The following JADE3 variants were observed in gnomAD, a reference collection of about 807,000 sequenced individuals.
JADE3 encodes the protein protein Jade-3.
In JADE3, 2 loss-of-function variants were observed where a neutral mutation model predicts 50.1. The observed-to-expected ratio is 0.04, with a 90% CI of 0.02 to 0.13. JADE3 has a LOEUF of 0.13. Ranked by LOEUF, JADE3 falls within the 10% of genes least tolerant of loss-of-function variation. JADE3 has a pLI of 1.00. For missense variants in JADE3, 475 were observed against 634.4 expected, an observed-to-expected ratio of 0.75 and a Z score of 2.70; for synonymous variants, 218 against 232.9, an observed-to-expected ratio of 0.94 and a Z score of 0.58.
chrX:47,004,459 C>T (rs1928365762), intron 4 of JADE3, among the ~76,000 whole-genome samples: 1 of 111,785 alleles, frequency 8.9e-6, no homozygotes, highest in South Asian at 3.7e-4. Flanking sequence ...TGTTTGAGGC[C>T]TTGCTCTGTC....
At chrX:46,995,388 A>G (rs1266497503) in intron 3 of JADE3, among the ~76,000 whole-genome samples, 1 of 111,569 alleles carries the variant, frequency 9.0e-6, no homozygotes, top group Non-Finnish European at 1.9e-5. Context: ...GTAAAACAAA[A>G]TATATTGAGA....
intron 1 of JADE3, among the ~76,000 whole-genome samples, chrX:46,921,487 AT>A (rs782314499): frequency 2.7e-5 from 3 of 110,597 alleles, no homozygotes; most frequent in African/African-American, 6.6e-5. Flanking sequence ...ATGTTGTAGG[AT>A]TTTTTTTTAA....
At chrX:47,029,754 GGCATTTATAT>G (rs1241074691) in intron 6 of JADE3, among the ~76,000 whole-genome samples, 3 of 111,396 alleles carry the variant, frequency 2.7e-5, no homozygotes, top group African/African-American at 9.8e-5. Context: ...ACCAATTATT[GGCATTTATAT>G]CAGACTTTAA....
chrX:47,000,829 G>A (rs1161848168), intron 4 of JADE3, among the ~76,000 whole-genome samples: 5 of 112,010 alleles, frequency 4.5e-5, no homozygotes, highest in Admixed American at 2.8e-4. Context: ...AGAATTAAAT[G>A]TGTGAGCCCC....
rs1390279431 is a variant in JADE3, at chrX:47,060,239, G to A, written c.*1162G>A. Reference sequence around the variant, plus strand: ...TAGGAAGAGAATAATTACATTTGCGGGGGGGGGGGTGGATAAAAACATGTC... The same window carrying A: ...TAGGAAGAGAATAATTACATTTGCGAGGGGGGGGGTGGATAAAAACATGTC... On this transcript the variant is annotated 3_prime_UTR_variant, in exon 11 of 11. Transcript: ENST00000614628. 4 of 79,330 alleles carry A rather than the reference G, an allele frequency of 5.0e-5. No individual in the cohort carries two copies. The highest frequency in any genetic ancestry group is 5.5e-3 in the Middle Eastern group (1 of 181). The allele number at this position is 79,330 out of a possible 1,213,427, so 6.5% of individuals were successfully genotyped here.
chrX:46,954,045 T>G lies in JADE3; in HGVS notation c.-11-30839T>G, dbSNP rs191094717. Reference sequence around the variant, plus strand: ...ACTGCTTTGTGACATTTTAGGATGTTAAGTGCTTGCATTTGAAGGATGGAG... The same window carrying G: ...ACTGCTTTGTGACATTTTAGGATGTGAAGTGCTTGCATTTGAAGGATGGAG... On this transcript the variant is annotated intron_variant, in intron 1 of 10. Coordinates refer to ENST00000614628, the MANE Select transcript of JADE3 (RefSeq NM_014735.5). 5.4e-5 allele frequency among the ~76,000 whole-genome samples: 6 copies of G among 112,143 alleles called. No individual in the cohort carries two copies. In the East Asian group the frequency reaches 1.4e-3, roughly 26 times the overall value.
At chrX:46,950,127 T>C in intron 1 of JADE3, among the ~76,000 whole-genome samples, 1 of 112,537 alleles carries the variant, frequency 8.9e-6, no homozygotes, top group Admixed American at 9.4e-5. Context: ...GTAAAATTAT[T>C]AAAATGACAA....
intron 4 of JADE3, among the ~76,000 whole-genome samples, chrX:47,015,761 T>G (rs1928659760): frequency 1.1e-5 from 1 of 94,516 alleles, no homozygotes; most frequent in Admixed American, 1.2e-4. Context: ...TCTCTGTCAC[T>G]TGGGCTGGAG....
Position 46,923,393 on chromosome X carries a change from C to CTCTCTTTTTTTT in JADE3, c.-12+10675_-12+10676insCTCTTTTTTTTT, listed in dbSNP as rs1556338199. On this transcript the variant is annotated intron_variant, in intron 1 of 10. Coordinates refer to ENST00000614628, the MANE Select transcript of JADE3 (RefSeq NM_014735.5). ...ATTTCTTTTCTCTCTCTCTCTCTCT[C>CTCTCTTTTTTTT]TTTTTTTTTTTTTTTTTTTTTTTTT... Among the ~76,000 whole-genome samples the CTCTCTTTTTTTT allele has an allele frequency of 1.2e-3, 14 of 11,522 alleles. 2 individuals are homozygous for CTCTCTTTTTTTT. The East Asian group carries it at 0.014, about 12-fold the overall frequency. 10.0% of individuals were successfully genotyped at this position (11,522 alleles called of 115,157 possible). A position where few individuals can be genotyped will look rare whatever the true frequency, so the allele number is the denominator to read the frequency against.
intron 10 of JADE3, among the ~76,000 whole-genome samples, chrX:47,056,458 C>T (rs1299138209): frequency 9.0e-6 from 1 of 111,301 alleles, no homozygotes; most frequent in East Asian, 2.8e-4. Context: ...TATTCGAGGC[C>T]ATTAGTGGAA....
At chrX:46,943,033 C>T (rs1485123117) in intron 1 of JADE3, among the ~76,000 whole-genome samples, 1 of 112,233 alleles carries the variant, frequency 8.9e-6, no homozygotes, top group East Asian at 2.8e-4. Flanking sequence ...AGAAATGCTA[C>T]TGATTTTCAT....
At chrX:47,011,492 G>T (rs782550538) in intron 4 of JADE3, among the ~76,000 whole-genome samples, 7 of 111,491 alleles carry the variant, frequency 6.3e-5, no homozygotes, top group African/African-American at 9.8e-5. Flanking sequence ...TCCTCTAGAA[G>T]AAAATTCATA....
At chrX:47,017,255 A>G (rs1928694885) in intron 4 of JADE3, among the ~76,000 whole-genome samples, 2 of 111,796 alleles carry the variant, frequency 1.8e-5, no homozygotes, top group Non-Finnish European at 3.8e-5. Context: ...CTGCTTAGGT[A>G]AGTACTGATG....
intron 1 of JADE3, among the ~76,000 whole-genome samples, chrX:46,966,713 C>G (rs1556349174): frequency 9.0e-6 from 1 of 111,217 alleles, no homozygotes; most frequent in African/African-American, 3.3e-5. Context: ...CTGTAAACTA[C>G]TTTTTGAGGA....
intron 5 of JADE3, among the ~76,000 whole-genome samples, chrX:47,026,862 C>G (rs962530362): frequency 9.0e-6 from 1 of 110,742 alleles, no homozygotes; most frequent in Non-Finnish European, 1.9e-5. Context: ...GTTTACATAG[C>G]TAATATGAGG....
intron 4 of JADE3, among the ~76,000 whole-genome samples, chrX:47,011,500 A>G (rs1399539379): frequency 8.9e-6 from 1 of 111,759 alleles, no homozygotes; most frequent in Non-Finnish European, 1.9e-5. Flanking sequence ...AAGAAAATTC[A>G]TACAGGTTTT....
At chrX:47,019,687 A>G (rs1429279149) in intron 4 of JADE3, among the ~76,000 whole-genome samples, 1 of 112,315 alleles carries the variant, frequency 8.9e-6, no homozygotes, top group Non-Finnish European at 1.9e-5. Flanking sequence ...GTACCTGCCA[A>G]ATATTTAGAT....
intron 4 of JADE3, among the ~76,000 whole-genome samples, chrX:47,007,239 G>A (rs1369543995): frequency 1.8e-5 from 2 of 112,185 alleles, no homozygotes; most frequent in Non-Finnish European, 3.8e-5. Flanking sequence ...TTAAAAATAA[G>A]TGTATGCTGC....
chrX:47,037,803 A>G (rs1270864311), intron 7 of JADE3, among the ~76,000 whole-genome samples: 1 of 111,662 alleles, frequency 9.0e-6, no homozygotes, highest in Non-Finnish European at 1.9e-5. Context: ...ATGTTCTTGT[A>G]GTTATTTTTA....
Sources: allele counts gnomAD v4.1 joint callset (sites outside exome capture counted in the v4.1 genomes callset), GRCh38; gene constraint gnomAD v4.1.1; transcripts MANE v1.5; gene names NCBI Gene and HGNC (gene_info 2026-07-23, HGNC 2026-07-21).